The following USP24 variants were observed in gnomAD, a reference collection of about 807,000 sequenced individuals.
USP24 encodes ubiquitin carboxyl-terminal hydrolase 24.
USP24 carries 97 observed loss-of-function variants against 361.6 expected under a neutral mutation model. The ratio of observed to expected loss-of-function variants is 0.27; its 90% confidence interval spans 0.23 to 0.32. The LOEUF (loss-of-function observed/expected upper bound fraction) is 0.32, where lower values mean the gene tolerates loss of function less well. Among genes scored for constraint, USP24 ranks in the 10% least tolerant of loss-of-function variants. The probability of loss-of-function intolerance (pLI) is 1.00; values close to 1 mark genes in which losing one functional copy is unlikely to be tolerated. For missense variants in USP24, 2,353 were observed against 3,165.6 expected (o/e 0.74, Z 6.16); for synonymous variants, 1,098 against 1,124.6 (o/e 0.98, Z 0.47).
intron 36 of USP24, 65 bp from the exon 37 acceptor site, chr1:55,121,571 G>T: frequency 1.4e-6 from 2 of 1,383,938 alleles, no homozygotes; most frequent in South Asian, 2.5e-5. Flanking sequence ...TTCAAATTTT[G>T]ATTAATTTCT....
Position 55,154,385 on chromosome 1 carries a change from T to C in USP24, c.1636A>G (p.Thr546Ala). 1.3e-6 allele frequency: 2 copies of C among 1,551,636 alleles called. No homozygotes were observed. Among genetic ancestry groups the C allele is most frequent in the Non-Finnish European group, 1.7e-6 (2 of 1,146,922 alleles). Residue 546 changes from threonine to alanine, a missense_variant, in exon 14 of 68, where the codon ACC (threonine) becomes GCC (alanine). Thr to Ala is a moderately conservative substitution (Grantham distance 58, BLOSUM62 0). Transcript: ENST00000294383. The part of the protein sequence containing the change: ...GRIGREARFE[T>A]TSGKVLDVLW... ...GATTCTCCTGCCTTTCCAGAAGTGG[T>C]CTCAAAGCGAGCTTCCCGGCCTATT...
At chr1:55,185,052 G>T (rs1398262660) in intron 1 of USP24, among the ~76,000 whole-genome samples, 1 of 151,928 alleles carries the variant, frequency 6.6e-6, no homozygotes, top group Non-Finnish European at 1.5e-5. Flanking sequence ...TGACCTCCAG[G>T]GCTCAAGGGA....
chr1:55,097,928 G>C lies in USP24; in HGVS notation c.5595+15C>G. ...ACAAATTAATCTTGTTTTTTAAAAAGGGCAAACATAATACCTTTTCTTTAC... is the reference window on the plus strand; with the variant it reads ...ACAAATTAATCTTGTTTTTTAAAAACGGCAAACATAATACCTTTTCTTTAC... On this transcript the variant is annotated intron_variant, in intron 47 of 67. Transcript: ENST00000294383. 3.2e-6 allele frequency: 5 copies of C among 1,579,414 alleles called. No homozygotes were observed. Among genetic ancestry groups the C allele is most frequent in the Non-Finnish European group, 4.3e-6 (5 of 1,167,886 alleles).
At chr1:55,071,771 G>A (rs763189412) in intron 67 of USP24, 43 bp downstream of exon 67, 2 of 1,556,006 alleles carry the variant, frequency 1.3e-6, no homozygotes, top group African/African-American at 2.7e-5. Context: ...AAGCTTAAGA[G>A]CAAGGCTGCC....
chr1:55,105,568 T>G (rs1645748511), intron 41 of USP24, among the ~76,000 whole-genome samples: 1 of 152,168 alleles, frequency 6.6e-6, no homozygotes, highest in Non-Finnish European at 1.5e-5. Flanking sequence ...TTGGAGCAAA[T>G]GAAATAGCAG....
intron 39 of USP24, 81 bp downstream of exon 39, chr1:55,110,104 A>G: frequency 8.3e-7 from 1 of 1,201,332 alleles, no homozygotes; most frequent in Non-Finnish European, 1.2e-6. Context: ...AGATATGTAA[A>G]TCATATTTAG....
chr1:55,091,091 C>CA (rs1259222125), intron 54 of USP24, among the ~76,000 whole-genome samples: 4 of 151,962 alleles, frequency 2.6e-5, no homozygotes, highest in South Asian at 2.1e-4. Flanking sequence ...CTCAAAAACC[C>CA]AAAAAAACCA....
chr1:55,101,199 C>T (rs1645625218), intron 43 of USP24, among the ~76,000 whole-genome samples: 1 of 152,176 alleles, frequency 6.6e-6, no homozygotes, highest in Non-Finnish European at 1.5e-5. Context: ...AGGTTCTCTA[C>T]AGGAAATAAG....
chr1:55,140,303 G>T (rs1242414183), intron 24 of USP24, among the ~76,000 whole-genome samples: 2 of 151,958 alleles, frequency 1.3e-5, no homozygotes, highest in African/African-American at 2.4e-5. Context: ...ACTTACATTC[G>T]AATTTATCAG....
At chr1:55,152,087 G>T in intron 16 of USP24, 1 of 626,780 alleles carries the variant, frequency 1.6e-6, no homozygotes, top group Non-Finnish European at 2.0e-6. Flanking sequence ...CCCCCCTTCA[G>T]CAATGTGTAC....
rs745425353 is a variant in USP24, at chr1:55,132,677, A to C, written c.3405T>G (p.Ser1135Arg). Reference sequence around the variant, plus strand: ...GGGATGGAGATTTTGAGGACTGAGAACTTGATTCAGACAGCAATGTTTTCT... The same window carrying C: ...GGGATGGAGATTTTGAGGACTGAGACCTTGATTCAGACAGCAATGTTTTCT... ...GRKKTLLSES[S>R]SQSSKSPSLS... Residue 1135 changes from serine (S) to arginine (R), a missense_variant, in exon 31 of 68, where the codon AGT (serine) becomes AGG (arginine). Coordinates refer to ENST00000294383, the MANE Select transcript of USP24 (RefSeq NM_015306.3). 1 of 1,613,468 alleles carries C rather than the reference A, an allele frequency of 6.2e-7. No individual in the cohort carries two copies. Among genetic ancestry groups the C allele is most frequent in the Admixed American group, 1.7e-5 (1 of 59,894 alleles).
chr1:55,071,017 C>A, intron 67 of USP24: 1 of 494,598 alleles, frequency 2.0e-6, no homozygotes, highest in Non-Finnish European at 2.6e-6. Flanking sequence ...TGTGGAGTGA[C>A]CTTGGGCTAA....
At chr1:55,197,741 C>T (rs995346287) in intron 1 of USP24, among the ~76,000 whole-genome samples, 19 of 152,146 alleles carry the variant, frequency 1.2e-4, no homozygotes, top group African/African-American at 4.3e-4. Flanking sequence ...CAACAATATC[C>T]CAGAACCTCT....
chr1:55,175,041 A>G (rs1649818501), intron 3 of USP24, among the ~76,000 whole-genome samples: 2 of 152,014 alleles, frequency 1.3e-5, no homozygotes, highest in Admixed American at 1.3e-4. Flanking sequence ...ATTTCATATA[A>G]TCTTTGCCCA....
Position 55,215,123 on chromosome 1 carries a change from C to T in USP24, c.-10G>A. ...CCTCCTCCGATTCCATGGCTTGGGC[C>T]TCCTGGCCGCCCCGGCCAGCGCACG... is the stretch of plus-strand genomic sequence containing the variant. On this transcript the variant is annotated 5_prime_UTR_variant, in exon 1 of 68. Transcript: ENST00000294383. The T allele has an allele frequency of 8.0e-7, 1 of 1,257,464 alleles. No homozygotes were observed. The highest frequency in any genetic ancestry group is 1.0e-6 in the Non-Finnish European group (1 of 994,808). The allele number at this position is 1,257,464 out of a possible 1,614,324, so 77.9% of individuals were successfully genotyped here.
intron 10 of USP24, among the ~76,000 whole-genome samples, chr1:55,158,358 A>G (rs184684562): frequency 2.6e-3 from 403 of 152,354 alleles, no homozygotes; most frequent in Non-Finnish European, 4.5e-3. Flanking sequence ...ACAAAACCGA[A>G]GGAAAAAATA....
At chr1:55,090,077 AT>A (rs887736569) in intron 54 of USP24, among the ~76,000 whole-genome samples, 1 of 152,132 alleles carries the variant, frequency 6.6e-6, no homozygotes, top group Admixed American at 6.6e-5. Context: ...GAACTATAGC[AT>A]TTTTTTCATT....
intron 38 of USP24, among the ~76,000 whole-genome samples, chr1:55,113,051 G>A (rs1646000474): frequency 6.6e-6 from 1 of 151,816 alleles, no homozygotes; most frequent in Non-Finnish European, 1.5e-5. Context: ...ACCTTTGTTG[G>A]TTTAAAGTCT....
intron 3 of USP24, among the ~76,000 whole-genome samples, chr1:55,173,804 A>T (rs1570608936): frequency 6.6e-6 from 1 of 152,164 alleles, no homozygotes; most frequent in Non-Finnish European, 1.5e-5. Context: ...TTTTTGCCTG[A>T]CTATATATTC....
Sources: gnomAD v4.1 joint callset for allele counts (sites outside exome capture counted in the v4.1 genomes callset) on GRCh38, gnomAD v4.1.1 for gene constraint, MANE v1.5 for transcripts, NCBI Gene and HGNC (gene_info 2026-07-23, HGNC 2026-07-21) for gene names.